NUFIP1: variants seen among roughly 807,000 people sequenced by gnomAD.
NUFIP1 encodes FMR1-interacting protein NUFIP1.
NUFIP1 carries 38 observed loss-of-function variants against 56.2 expected under a neutral mutation model. The ratio of observed to expected loss-of-function variants is 0.68; its 90% CI spans 0.52 to 0.89. NUFIP1 has a LOEUF of 0.89. NUFIP1 is among the 40% of genes least tolerant of loss of function. The pLI, the probability that NUFIP1 is intolerant of heterozygous loss-of-function variation, is 0.00. For missense variants in NUFIP1, 567 were observed against 605.8 expected, an observed-to-expected ratio of 0.94 and a Z score of 0.67; for synonymous variants, 215 against 212.4, an observed-to-expected ratio of 1.01 and a Z score of -0.10.
At chr13:44,986,813 A>C (rs1363713718) in intron 1 of NUFIP1, among the ~76,000 whole-genome samples, 3 of 152,084 alleles carry the variant, frequency 2.0e-5, no homozygotes, top group African/African-American at 4.8e-5. Flanking sequence ...TTTTTTGAGA[A>C]GGAATCTACT....
intron 5 of NUFIP1, among the ~76,000 whole-genome samples, chr13:44,967,765 C>T (rs1246918591): frequency 6.6e-6 from 1 of 152,172 alleles, no homozygotes; most frequent in Non-Finnish European, 1.5e-5. Flanking sequence ...TTCTTTGTTT[C>T]TCTGCACAGC....
chr13:44,988,219 G>A (rs565685934), intron 1 of NUFIP1, among the ~76,000 whole-genome samples: 18 of 152,338 alleles, frequency 1.2e-4, no homozygotes, highest in African/African-American at 3.6e-4. Context: ...AGGAGTTAGA[G>A]ACAGGCCTGT....
At chr13:44,957,278 C>G (rs1438813389) in intron 7 of NUFIP1, among the ~76,000 whole-genome samples, 1 of 152,132 alleles carries the variant, frequency 6.6e-6, no homozygotes, top group East Asian at 1.9e-4. Context: ...ATGGTGTGAT[C>G]TCAACTCACT....
At position 44,940,570 on chromosome 13, in the gene NUFIP1, A is replaced by G. The variant is rs1870698748; in HGVS notation, c.*636T>C. On this transcript the variant is annotated 3_prime_UTR_variant, in exon 10 of 10. Coordinates refer to ENST00000379161, the MANE Select transcript of NUFIP1 (RefSeq NM_012345.3). ...CTCAATAGCTTTCATTTACTTTACA[A>G]TTTTTAAAAAGCTTCAATTAAGTAC... is the stretch of plus-strand genomic sequence containing the variant. 1 of 152,218 alleles carries G rather than the reference A, an allele frequency of 6.6e-6. No individual in the cohort carries two copies. The highest frequency in any genetic ancestry group is 1.9e-4 in the East Asian group (1 of 5,198). The allele number at this position is 152,218 out of a possible 1,614,324, so 9.4% of individuals were successfully genotyped here. A position where few individuals can be genotyped will look rare whatever the true frequency, so the allele number is the denominator to read the frequency against.
intron 3 of NUFIP1, among the ~76,000 whole-genome samples, chr13:44,980,436 A>T (rs1319716941): frequency 1.3e-5 from 2 of 152,212 alleles, no homozygotes; most frequent in Non-Finnish European, 2.9e-5. Context: ...ATTAAGATGC[A>T]CAAGGTAACT....
chr13:44,949,578 G>A (rs1231580436), intron 8 of NUFIP1, 144 bp downstream of exon 8: 6 of 578,830 alleles, frequency 1.0e-5, no homozygotes, highest in African/African-American at 1.9e-5. Flanking sequence ...TTTAACCCAT[G>A]TTAACTTTAC....
intron 5 of NUFIP1, among the ~76,000 whole-genome samples, chr13:44,974,160 T>C (rs1225954521): frequency 2.0e-5 from 3 of 152,244 alleles, no homozygotes; most frequent in Admixed American, 2.0e-4. Context: ...AACTTCTCTT[T>C]GGTCAAGTCA....
intron 6 of NUFIP1, among the ~76,000 whole-genome samples, chr13:44,965,544 A>G (rs1164721586): frequency 6.6e-6 from 1 of 152,076 alleles, no homozygotes. Context: ...AAATACAAAA[A>G]TTAGCTGGGC....
At chr13:44,958,425 T>C (rs1466008381) in intron 7 of NUFIP1, among the ~76,000 whole-genome samples, 1 of 152,210 alleles carries the variant, frequency 6.6e-6, no homozygotes, top group East Asian at 1.9e-4. Flanking sequence ...TCAGTGTTAG[T>C]TGATATTAAT....
At position 44,959,565 on chromosome 13, in the gene NUFIP1, C is replaced by G. The variant is rs1871353069; in HGVS notation, c.837G>C (p.Lys279Asn). ...CCATTTGTGAATGTCTGGACATCCC[C>G]TTCATCTTGCTGGAGTAAGAAAATT... Reference protein sequence around the residue: ...VLTTTQYGKMKGMSRHSQMAK... With the variant: ...VLTTTQYGKMNGMSRHSQMAK... Residue 279 changes from lysine to asparagine, a missense_variant, in exon 7 of 10, where the codon AAG (lysine) becomes AAC (asparagine). Coordinates refer to ENST00000379161, the MANE Select transcript of NUFIP1 (RefSeq NM_012345.3). 6.2e-7 allele frequency: 1 copy of G among 1,604,966 alleles called. No individual in the cohort carries two copies. Among genetic ancestry groups the G allele is most frequent in the Non-Finnish European group, 8.5e-7 (1 of 1,177,018 alleles).
chr13:44,978,149 T>G (rs1486378554), intron 5 of NUFIP1, among the ~76,000 whole-genome samples: 2 of 152,246 alleles, frequency 1.3e-5, no homozygotes, highest in Non-Finnish European at 2.9e-5. Context: ...ATATTTATTC[T>G]CAGTTCTGAA....
At position 44,970,196 on chromosome 13, in the gene NUFIP1, T is replaced by G. The variant is rs1193050744; in HGVS notation, c.735-4260A>C. 1.3e-5 allele frequency among the ~76,000 whole-genome samples: 2 copies of G among 152,200 alleles called. 1 individual carries two copies. Among genetic ancestry groups the G allele is most frequent in the South Asian group, 4.1e-4 (2 of 4,826 alleles). ...GCATTGGTACTACATAGGACAGGAA[T>G]TAAGAAAGAATAACTTTTTTTGGTG... On this transcript the variant is annotated intron_variant, in intron 5 of 9. Transcript: ENST00000379161.
chr13:44,981,198 GAAC>G (rs372646013), intron 2 of NUFIP1, among the ~76,000 whole-genome samples: 1 of 152,054 alleles, frequency 6.6e-6, no homozygotes, highest in African/African-American at 2.4e-5. Context: ...GCTGACCCTT[GAAC>G]AACACAGGTT....
chr13:44,975,774 G>C (rs1871950901), intron 5 of NUFIP1, among the ~76,000 whole-genome samples: 1 of 152,222 alleles, frequency 6.6e-6, no homozygotes, highest in Non-Finnish European at 1.5e-5. Context: ...GCAGAGGATA[G>C]TGGGAGAGTG....
Position 44,940,792 on chromosome 13 carries a change from T to C in NUFIP1, c.*414A>G, listed in dbSNP as rs1870705924. ...TATTCCCCCTTGCTACAGAACATCT[T>C]CCTTTTCTGCATTAAAAACAAAATG... On this transcript the variant is annotated 3_prime_UTR_variant, in exon 10 of 10. Coordinates refer to ENST00000379161, the MANE Select transcript of NUFIP1 (RefSeq NM_012345.3). 6.5e-6 allele frequency: 1 copy of C among 153,546 alleles called. No homozygotes were observed. Among genetic ancestry groups the C allele is most frequent in the African/African-American group, 2.4e-5 (1 of 41,496 alleles). The allele number at this position is 153,546 out of a possible 1,614,324, so 9.5% of individuals were successfully genotyped here. A position where few individuals can be genotyped will look rare whatever the true frequency, so the allele number is the denominator to read the frequency against.
chr13:44,965,563 G>A (rs192549363), intron 6 of NUFIP1, among the ~76,000 whole-genome samples: 9 of 152,184 alleles, frequency 5.9e-5, no homozygotes, highest in Non-Finnish European at 7.4e-5. Flanking sequence ...GCGTGGTGGC[G>A]CACGCCTGTA....
At chr13:44,948,143 T>G (rs1023833179) in intron 8 of NUFIP1, among the ~76,000 whole-genome samples, 1 of 143,432 alleles carries the variant, frequency 7.0e-6, no homozygotes, top group African/African-American at 2.6e-5. Context: ...TACATTTCCT[T>G]TTTTTTTTTT....
chr13:44,982,954 G>C (rs976898786), intron 1 of NUFIP1, among the ~76,000 whole-genome samples: 3 of 152,160 alleles, frequency 2.0e-5, no homozygotes, highest in Non-Finnish European at 4.4e-5. Context: ...GCTGCAGTAA[G>C]CTATGATCAT....
chr13:44,941,716 T>C (rs1870744979), intron 9 of NUFIP1, among the ~76,000 whole-genome samples: 1 of 151,512 alleles, frequency 6.6e-6, no homozygotes, highest in Non-Finnish European at 1.5e-5. Flanking sequence ...GGTTTCACCG[T>C]GTTAGCCAGG....
Sources: gnomAD v4.1 joint callset for allele counts (sites outside exome capture counted in the v4.1 genomes callset) on GRCh38, gnomAD v4.1.1 for gene constraint, MANE v1.5 for transcripts, NCBI Gene and HGNC (gene_info 2026-07-23, HGNC 2026-07-21) for gene names.